GRAMD4: variants seen among roughly 807,000 people sequenced by gnomAD.
GRAMD4 encodes the protein GRAM domain-containing protein 4.
Under a neutral mutation model 83.9 loss-of-function variants are expected in GRAMD4, and 25 were observed. The observed-to-expected ratio is 0.30, with a 90% CI of 0.22 to 0.42. GRAMD4 has a LOEUF of 0.42. GRAMD4 is among the 10% of genes least tolerant of loss of function. The pLI is 1.00. For missense variants in GRAMD4, 593 were observed against 788.7 expected (o/e 0.75, Z 2.97); for synonymous variants, 336 against 320.9 (o/e 1.05, Z -0.50).
At chr22:46,598,840 A>G (rs1180848126) in intron 1 of GRAMD4, among the ~76,000 whole-genome samples, 2 of 152,178 alleles carry the variant, frequency 1.3e-5, no homozygotes, top group Non-Finnish European at 2.9e-5. Context: ...CTTAGCAGCT[A>G]CATGGTGGGT....
At chr22:46,598,512 T>C (rs1457907218) in intron 1 of GRAMD4, among the ~76,000 whole-genome samples, 1 of 152,084 alleles carries the variant, frequency 6.6e-6, no homozygotes, top group African/African-American at 2.4e-5. Context: ...AGTTGCTTTC[T>C]CTCCCACTTT....
At chr22:46,643,164 C>CATCCATCCATGCATGCATCT (rs2082009484) in intron 3 of GRAMD4, among the ~76,000 whole-genome samples, 1 of 151,370 alleles carries the variant, frequency 6.6e-6, no homozygotes. Context: ...TCCATCCATC[C>CATCCATCCATGCATGCATCT]ATCCATCCAT....
chr22:46,673,763 G>A lies in GRAMD4; in HGVS notation c.1333G>A (p.Gly445Ser). Reference sequence around the variant, plus strand: ...CGGTCGCTTCCACAGCACCAAGAAGGGCAATTTCCACGAGATCTTCAATCT... The same window carrying A: ...CGGTCGCTTCCACAGCACCAAGAAGAGCAATTTCCACGAGATCTTCAATCT... The part of the protein sequence containing the change: ...DAGRFHSTKK[G>S]NFHEIFNLTE... Residue 445 changes from glycine to serine, a missense_variant, in exon 15 of 19, where the codon GGC becomes AGC. Physicochemically the swap from Gly to Ser is moderately conservative, Grantham distance 56 (BLOSUM62 0). Around this residue, in one of 4 missense-constraint regions of GRAMD4, gnomAD observed 171 missense variants for 199.6 expected, o/e 0.86. Coordinates refer to ENST00000406902, the MANE Select transcript of GRAMD4 (RefSeq NM_015124.5). 1 of 1,613,078 alleles carries A rather than the reference G, an allele frequency of 6.2e-7. No individual in the cohort carries two copies. The highest frequency in any genetic ancestry group is 8.5e-7 in the Non-Finnish European group (1 of 1,179,956).
chr22:46,618,206 C>T (rs565705038), upstream of GRAMD4, among the ~76,000 whole-genome samples: 2 of 152,202 alleles, frequency 1.3e-5, no homozygotes, highest in Admixed American at 6.5e-5. The surrounding 1 kb of genome is among the most constrained non-coding windows in gnomAD (Gnocchi z 5.8). Context: ...GCCTGCAGCT[C>T]GAGTCCACCT....
intron 4 of GRAMD4, 86 bp from the exon 5 acceptor site, chr22:46,661,295 G>C: frequency 2.1e-6 from 2 of 973,740 alleles, no homozygotes; most frequent in Non-Finnish European, 3.3e-6. Context: ...TGCAGTACAC[G>C]GTCGCGAGAG....
At chr22:46,577,136 C>T (rs921400233) in exon 1 of GRAMD4, 43 of 254,344 alleles carry the variant, frequency 1.7e-4, no homozygotes, top group Non-Finnish European at 2.5e-4. Context: ...CCGCCGCCGC[C>T]TCCGCGCTCG....
At chr22:46,615,927 C>A (rs1255939043), upstream of GRAMD4, among the ~76,000 whole-genome samples, 1 of 129,198 alleles carries the variant, frequency 7.7e-6, no homozygotes, top group African/African-American at 3.0e-5. Flanking sequence ...TGTGTAGGTT[C>A]CCCTGTGCGT....
At chr22:46,665,548 C>T (rs1403975705) in intron 8 of GRAMD4, 67 bp from the exon 9 acceptor site, 16 of 845,590 alleles carry the variant, frequency 1.9e-5, no homozygotes, top group Non-Finnish European at 2.8e-5. Context: ...TGGGGGGAGG[C>T]GGGAGGGATG....
In GRAMD4 at chr22:46,648,430, T is replaced by G. The variant is rs1011889025; in HGVS notation, c.284-9757T>G. Among the ~76,000 whole-genome samples, 4 of 146,324 alleles carry G rather than the reference T, an allele frequency of 2.7e-5. No individual in the cohort carries two copies. The Admixed American group carries it at 2.7e-4, about 10-fold the overall frequency. On this transcript the variant is annotated intron_variant, in intron 3 of 18. Transcript: ENST00000406902. ...ATGGGTAGATGGATGGGTGAATGGG[T>G]GGATGGATGGATGGATGGATGGATG...
chr22:46,662,538 T>C (rs914561941), intron 5 of GRAMD4, among the ~76,000 whole-genome samples: 1 of 152,230 alleles, frequency 6.6e-6, no homozygotes, highest in Non-Finnish European at 1.5e-5. Context: ...CTGGGCTGGC[T>C]GCGCTCGCCA....
intron 1 of GRAMD4, among the ~76,000 whole-genome samples, chr22:46,589,036 TA>T (rs1340695367): frequency 6.6e-6 from 1 of 151,876 alleles, no homozygotes; most frequent in African/African-American, 2.4e-5. Flanking sequence ...GAGGGCTGGG[TA>T]CGCAGCAGGT....
intron 2 of GRAMD4, among the ~76,000 whole-genome samples, chr22:46,630,524 C>G (rs1050647507): frequency 6.6e-6 from 1 of 152,164 alleles, no homozygotes; most frequent in Non-Finnish European, 1.5e-5. Flanking sequence ...ATGCTCCGTG[C>G]CCACCGGTAG....
chr22:46,614,610 G>A (rs1230424597), intron 1 of GRAMD4, among the ~76,000 whole-genome samples: 4 of 152,240 alleles, frequency 2.6e-5, no homozygotes, highest in Non-Finnish European at 5.9e-5. Flanking sequence ...GGCCAACCGT[G>A]GAGACAGGAT....
At chr22:46,613,232 G>GAGGA (rs1287865808) in intron 1 of GRAMD4, among the ~76,000 whole-genome samples, 1 of 152,144 alleles carries the variant, frequency 6.6e-6, no homozygotes, top group East Asian at 1.9e-4. Flanking sequence ...TCCTCTAACA[G>GAGGA]CCCTGAGCAG....
chr22:46,613,580 G>A (rs1422587749), intron 1 of GRAMD4, among the ~76,000 whole-genome samples: 1 of 152,152 alleles, frequency 6.6e-6, no homozygotes, highest in Non-Finnish European at 1.5e-5. Flanking sequence ...GGGCTGGGTG[G>A]CGGCTACCCG....
intron 1 of GRAMD4, among the ~76,000 whole-genome samples, chr22:46,625,322 T>A (rs1292866437): frequency 2.6e-5 from 4 of 152,198 alleles, no homozygotes; most frequent in Non-Finnish European, 1.5e-5. Flanking sequence ...TGAGTCTTCT[T>A]GCCACGAACT....
chr22:46,621,454 TACCCC>T lies in GRAMD4; in HGVS notation c.-50+890_-50+894del, dbSNP rs2081573481. On this transcript the variant is annotated intron_variant, in intron 1 of 18. Transcript: ENST00000406902. This position sits in a 1 kb window ranked among gnomAD's most constrained non-coding sequence, Gnocchi z 5.8. ...CCCATGTGGCCGTGGAGGGCACCCC[TACCCC>T]GGTGCAGGCGCAGGCTGGAGGCGTA... Among the ~76,000 whole-genome samples the T allele has an allele frequency of 6.6e-6, 1 of 152,156 alleles. No homozygotes were observed. Among genetic ancestry groups the T allele is most frequent in the African/African-American group, 2.4e-5 (1 of 41,430 alleles).
At chr22:46,617,473 A>G (rs1055539043), upstream of GRAMD4, among the ~76,000 whole-genome samples, 4 of 150,270 alleles carry the variant, frequency 2.7e-5, no homozygotes, top group African/African-American at 7.4e-5. Context: ...CCCTGTGTGT[A>G]GGTTCCCCTG....
intron 1 of GRAMD4, among the ~76,000 whole-genome samples, chr22:46,598,006 G>C (rs2081278819): frequency 6.6e-6 from 1 of 151,918 alleles, no homozygotes; most frequent in South Asian, 2.1e-4. Flanking sequence ...TTTTGAGACA[G>C]AGTCTTGCTG....
Sources: gnomAD v4.1 joint callset for allele counts (sites outside exome capture counted in the v4.1 genomes callset) on GRCh38, gnomAD v4.1.1 for gene constraint, gnomAD v4.1.1 regional missense constraint, Gnocchi (gnomAD v3.1) non-coding constraint, MANE v1.5 for transcripts, NCBI Gene and HGNC (gene_info 2026-07-23, HGNC 2026-07-21) for gene names.